Variants in CIB1 observed in about 807,000 individuals in gnomAD.
CIB1 encodes the protein calcium and integrin binding 1.
Under a neutral mutation model 25.0 loss-of-function variants are expected in CIB1, and 19 were observed. The ratio of observed to expected loss-of-function variants is 0.76; its 90% CI spans 0.53 to 1.12. The LOEUF is 1.12. CIB1 is among the 50% of genes most tolerant of loss of function. CIB1 has a pLI of 0.00. For missense variants in CIB1, 236 were observed against 242.6 expected, an observed-to-expected ratio of 0.97 and a Z score of 0.18; for synonymous variants, 104 against 98.5, an observed-to-expected ratio of 1.06 and a Z score of -0.33.
chr15:90,248,631 CTTGAGCCTG>C, the CIB1 span, among the ~76,000 whole-genome samples: 3 of 138,294 alleles, frequency 2.2e-5, no homozygotes, highest in African/African-American at 8.1e-5. Flanking sequence ...GGGAGGATTG[CTTGAGCCTG>C]GGAAGCTAAG....
chr15:90,259,165 C>T, the CIB1 span: 303 of 709,400 alleles, frequency 4.3e-4, 4 homozygotes, highest in South Asian at 5.5e-3. Flanking sequence ...GAGTTCAACA[C>T]CAGACTGGGC....
chr15:90,233,734 G>A (rs767695766), intron 1 of CIB1, 31 bp from the exon 2 acceptor site: 8 of 1,561,186 alleles, frequency 5.1e-6, no homozygotes, highest in Non-Finnish European at 6.9e-6. Context: ...GGGGATTAGC[G>A]GACCGCTGGG....
At chr15:90,253,286 G>T in the CIB1 span, 1 of 1,613,834 alleles carries the variant, frequency 6.2e-7, no homozygotes, top group Non-Finnish European at 8.5e-7. Context: ...TGAAGGAGGT[G>T]GGGGAGGATG....
At chr15:90,233,534 G>C (rs1962556144) in intron 2 of CIB1, 135 bp downstream of exon 2, 4 of 1,154,850 alleles carry the variant, frequency 3.5e-6, no homozygotes, top group Non-Finnish European at 5.1e-6. Flanking sequence ...CGCAGCCCGG[G>C]CTAGGTCTCC....
rs11273045 is a variant in CIB1 at position 90,232,806 on chromosome 15, T to TGAGGCAGGAGAATCACTTGAACCCG, written c.87-504_87-480dup. 2.2e-3 allele frequency among the ~76,000 whole-genome samples: 326 copies of TGAGGCAGGAGAATCACTTGAACCCG among 150,284 alleles called. 4 individuals are homozygous for TGAGGCAGGAGAATCACTTGAACCCG. Among genetic ancestry groups the TGAGGCAGGAGAATCACTTGAACCCG allele is most frequent in the African/African-American group, 7.6e-3 (312 of 40,968 alleles). On this transcript the variant is annotated intron_variant, in intron 2 of 6. Transcript: ENST00000328649. ...CTATAATCCCAGCTACTCAGGAGGC[T>TGAGGCAGGAGAATCACTTGAACCCG]GAGGCAGGAGAATCACTTGAACCCG... is the stretch of plus-strand genomic sequence containing the variant.
the CIB1 span, chr15:90,242,121 C>T: frequency 7.1e-7 from 1 of 1,415,166 alleles, no homozygotes. Context: ...TAGGGTCTCA[C>T]TCTGTCCCCA....
chr15:90,232,311 A>T lies in CIB1; in HGVS notation c.103T>A (p.Cys35Ser), dbSNP rs1962513801. ...QEILLAHRRFCELLPQEQRSV... is the reference protein window; with the variant it reads ...QEILLAHRRFSELLPQEQRSV... ...CGCTGCTCCTGGGGAAGCAGCTCAC[A>T]AAACCGCCTGTGGGCTCTGGTAGAG... The change falls in exon 3 of 7, where the codon TGT (cysteine) becomes AGT (serine). Residue 35 changes from cysteine (C) to serine (S), a missense_variant. Cys to Ser is a moderately radical substitution (Grantham distance 112). Transcript: ENST00000328649. The T allele has an allele frequency of 1.9e-6, 3 of 1,609,608 alleles. No homozygotes were observed. In the East Asian group the frequency reaches 6.7e-5, roughly 36 times the overall value.
chr15:90,248,197 G>T, the CIB1 span, among the ~76,000 whole-genome samples: 1 of 152,130 alleles, frequency 6.6e-6, no homozygotes, highest in Non-Finnish European at 1.5e-5. Context: ...CTGCCACCTA[G>T]CCTTGCTGAT....
the CIB1 span, chr15:90,261,968 C>T: frequency 4.7e-6 from 7 of 1,475,326 alleles, no homozygotes; most frequent in African/African-American, 1.4e-5. Flanking sequence ...AACATTCCCA[C>T]AGCCCTACTC....
the CIB1 span, chr15:90,250,729 T>G: frequency 3.7e-6 from 6 of 1,614,060 alleles, no homozygotes; most frequent in Admixed American, 1.7e-5. Flanking sequence ...CCAACCCCTC[T>G]AACTCTTCAC....
intron 2 of CIB1, among the ~76,000 whole-genome samples, chr15:90,232,841 G>A (rs1405235164): frequency 2.5e-5 from 2 of 81,274 alleles, no homozygotes; most frequent in African/African-American, 8.0e-5. Context: ...GGAGGCAGGA[G>A]AATCACTTGA....
At chr15:90,262,968 G>A in the CIB1 span, 1 of 1,535,430 alleles carries the variant, frequency 6.5e-7, no homozygotes, top group Non-Finnish European at 8.7e-7. Flanking sequence ...CCTTGTAGCT[G>A]CTGCCGGGAC....
At chr15:90,253,408 C>G in the CIB1 span, 1 of 1,480,400 alleles carries the variant, frequency 6.8e-7, no homozygotes, top group Non-Finnish European at 9.3e-7. Flanking sequence ...GGGCTAGGGC[C>G]CCAGAATGAC....
At chr15:90,259,685 C>T in the CIB1 span, among the ~76,000 whole-genome samples, 1 of 152,182 alleles carries the variant, frequency 6.6e-6, no homozygotes, top group Non-Finnish European at 1.5e-5. Context: ...GTTTGATTAG[C>T]TGGTTTGTTT....
the CIB1 span, among the ~76,000 whole-genome samples, chr15:90,251,305 T>G: frequency 6.7e-6 from 1 of 148,170 alleles, no homozygotes; most frequent in Non-Finnish European, 1.5e-5. Context: ...TTTGTATTTT[T>G]AGTAGAGACA....
the CIB1 span, chr15:90,243,640 GTTTTTTTTTTTTTTTTT>G: frequency 0.28 from 28,729 of 101,278 alleles, 3,837 homozygotes; most frequent in South Asian, 0.47. Flanking sequence ...CTTGGTGCAG[GTTTTTTTTTTTTTTTTT>G]TTTTTTTTTT....
At chr15:90,265,633 C>A in the CIB1 span, 2 of 1,555,022 alleles carry the variant, frequency 1.3e-6, no homozygotes, top group Non-Finnish European at 1.8e-6. Context: ...GCCTCCGGCC[C>A]GCCCCTTCCA....
chr15:90,237,706 T>C (rs1249784679), upstream of CIB1, among the ~76,000 whole-genome samples: 1 of 152,208 alleles, frequency 6.6e-6, no homozygotes, highest in African/African-American at 2.4e-5. Context: ...TATCTCTTTT[T>C]TTTCTCCTTT....
chr15:90,250,799 A>C, the CIB1 span: 55 of 1,614,136 alleles, frequency 3.4e-5, no homozygotes, highest in African/African-American at 5.1e-4. Flanking sequence ...CTCACCCATT[A>C]TGGCCACAAA....
Sources: allele counts gnomAD v4.1 joint callset (sites outside exome capture counted in the v4.1 genomes callset), GRCh38; gene constraint gnomAD v4.1.1; transcripts MANE v1.5; gene names NCBI Gene and HGNC (gene_info 2026-07-23, HGNC 2026-07-21).